The following CCDC91 variants were observed in gnomAD, a reference collection of about 807,000 sequenced individuals.
CCDC91 encodes the protein coiled-coil domain containing 91.
CCDC91 carries 48 observed loss-of-function variants against 63.2 expected under a neutral mutation model. The observed-to-expected ratio is 0.76, with a 90% CI of 0.60 to 0.97. The LOEUF (loss-of-function observed/expected upper bound fraction) is 0.97. Ranked by LOEUF, CCDC91 falls within the 50% of genes least tolerant of loss-of-function variation. The pLI, the probability that CCDC91 is intolerant of heterozygous loss-of-function variation, is 0.00. For missense variants in CCDC91, 500 were observed against 494.6 expected (o/e 1.01, Z -0.10); for synonymous variants, 167 against 165.8 (o/e 1.01, Z -0.06).
intron 12 of CCDC91, among the ~76,000 whole-genome samples, chr12:28,539,888 G>C (rs1347387141): frequency 6.6e-6 from 1 of 152,098 alleles, no homozygotes; most frequent in Non-Finnish European, 1.5e-5. Flanking sequence ...GTAAAATCCT[G>C]AATGATGAGG....
At chr12:28,235,586 C>T (rs1373144206) in intron 1 of CCDC91, among the ~76,000 whole-genome samples, 1 of 72,486 alleles carries the variant, frequency 1.4e-5, no homozygotes, top group African/African-American at 5.3e-5. Flanking sequence ...GTTAATGCCG[C>T]ATAGCATTAA....
chr12:28,345,478 A>G (rs552405791), intron 6 of CCDC91, among the ~76,000 whole-genome samples: 104 of 152,194 alleles, frequency 6.8e-4, no homozygotes, highest in African/African-American at 2.1e-3. Context: ...CTGTTATTAA[A>G]TATGGAAACT....
At chr12:28,237,266 A>ACACACACACACACAT (rs1555163661) in intron 1 of CCDC91, among the ~76,000 whole-genome samples, 2 of 150,808 alleles carry the variant, frequency 1.3e-5, no homozygotes, top group Non-Finnish European at 3.0e-5. Flanking sequence ...ACACACACAC[A>ACACACACACACACAT]TTTTTTAAAA....
At chr12:28,394,166 CT>C (rs1946124417) in intron 8 of CCDC91, among the ~76,000 whole-genome samples, 1 of 152,052 alleles carries the variant, frequency 6.6e-6, no homozygotes, top group Non-Finnish European at 1.5e-5. Context: ...TTTTTAAGTG[CT>C]ACTTAAAAAG....
At chr12:28,387,545 AC>A (rs961115039) in intron 7 of CCDC91, among the ~76,000 whole-genome samples, 3 of 151,328 alleles carry the variant, frequency 2.0e-5, no homozygotes, top group African/African-American at 7.3e-5. Flanking sequence ...CCCCCTTCCT[AC>A]CCTTTCCCCC....
intron 8 of CCDC91, among the ~76,000 whole-genome samples, chr12:28,430,626 G>T (rs1948576620): frequency 6.6e-6 from 1 of 152,082 alleles, no homozygotes; most frequent in Admixed American, 6.6e-5. Context: ...CTTCATTACA[G>T]AATTGATAAT....
chr12:28,292,879 G>T (rs1392230611), intron 3 of CCDC91, among the ~76,000 whole-genome samples: 1 of 152,076 alleles, frequency 6.6e-6, no homozygotes. Flanking sequence ...TTCTGTTTAT[G>T]TACAATAATA....
intron 12 of CCDC91, chr12:28,505,327 T>C (rs1439277057): frequency 6.6e-6 from 1 of 151,850 alleles, no homozygotes; most frequent in Admixed American, 6.6e-5. Flanking sequence ...AGAGGCATAA[T>C]ATTCCATGTC....
At chr12:28,375,796 A>T (rs1246200845) in intron 7 of CCDC91, among the ~76,000 whole-genome samples, 1 of 151,892 alleles carries the variant, frequency 6.6e-6, no homozygotes, top group East Asian at 1.9e-4. Context: ...ATTCTCTAAT[A>T]TATGCACTCG....
intron 11 of CCDC91, among the ~76,000 whole-genome samples, chr12:28,481,447 GT>G (rs1951442288): frequency 6.6e-6 from 1 of 151,946 alleles, no homozygotes; most frequent in Non-Finnish European, 1.5e-5. Flanking sequence ...AGAATTTCCT[GT>G]TTGAATGTAC....
At chr12:28,359,782 C>CTTTCTTTTTTTTTTTTTTTTTTTTTTT (rs1565853546) in intron 6 of CCDC91, among the ~76,000 whole-genome samples, 11 of 151,960 alleles carry the variant, frequency 7.2e-5, no homozygotes, top group African/African-American at 2.7e-4. Context: ...CAGAATATTT[C>CTTTCTTTTTTTTTTTTTTTTTTTTTTT]TATTTACTTT....
At chr12:28,325,246 C>CGGTA (rs1288997200) in intron 6 of CCDC91, among the ~76,000 whole-genome samples, 2 of 151,852 alleles carry the variant, frequency 1.3e-5, no homozygotes, top group Admixed American at 1.3e-4. Flanking sequence ...TTAATAGATA[C>CGGTA]CGTAAGTGAT....
chr12:28,305,503 A>C, intron 3 of CCDC91, 146 bp from the exon 4 acceptor site: 1 of 684,884 alleles, frequency 1.5e-6, no homozygotes, highest in Non-Finnish European at 2.4e-6. Context: ...ATAGTCATAG[A>C]ATCCTGATTT....
At chr12:28,232,792 A>G (rs1301625057) in intron 1 of CCDC91, among the ~76,000 whole-genome samples, 2 of 151,978 alleles carry the variant, frequency 1.3e-5, no homozygotes, top group African/African-American at 2.4e-5. Flanking sequence ...AAACTGCTCT[A>G]TGTGATAATT....
chr12:28,252,184 G>A (rs1946157623), intron 1 of CCDC91, among the ~76,000 whole-genome samples: 1 of 152,078 alleles, frequency 6.6e-6, no homozygotes, highest in African/African-American at 2.4e-5. Flanking sequence ...TTTGAATGAA[G>A]CCTATTTTCT....
At chr12:28,538,713 A>C (rs1241444875) in intron 12 of CCDC91, among the ~76,000 whole-genome samples, 1 of 152,188 alleles carries the variant, frequency 6.6e-6, no homozygotes, top group Non-Finnish European at 1.5e-5. Context: ...ACTAGTTTAC[A>C]GTCCCACCAA....
chr12:28,494,647 G>A (rs1165927718), intron 12 of CCDC91, among the ~76,000 whole-genome samples: 1 of 151,656 alleles, frequency 6.6e-6, no homozygotes, highest in African/African-American at 2.4e-5. Context: ...AATGATCTTT[G>A]TGAAATATAT....
rs778770288 is a variant in CCDC91, at chr12:28,419,417, G to A, written c.762+28006G>A. Among the ~76,000 whole-genome samples, 173 of 151,950 alleles carry A rather than the reference G, an allele frequency of 1.1e-3. 1 individual carries two copies. The highest frequency in any genetic ancestry group is 8.2e-4 in the Non-Finnish European group (56 of 67,984). On this transcript the variant is annotated intron_variant, in intron 8 of 12. Transcript: ENST00000536442. Reference sequence around the variant, plus strand: ...ATTTTATATCAGATTGGATTTAAAAGCAAAATTCAATCATTACTTATAAGA... The same window carrying A: ...ATTTTATATCAGATTGGATTTAAAAACAAAATTCAATCATTACTTATAAGA...
rs1229913557 is a variant in CCDC91, at chr12:28,367,691, C to T, written c.654+5176C>T. Among the ~76,000 whole-genome samples, 3 of 152,078 alleles carry T rather than the reference C, an allele frequency of 2.0e-5. No individual in the cohort carries two copies. The East Asian group carries it at 5.8e-4, about 29-fold the overall frequency. ...AAAACAAACAAAATGCATGTCAGCA[C>T]CCACTATAATGGTTAATTTATGCAT... On this transcript the variant is annotated intron_variant, in intron 7 of 12. Transcript: ENST00000536442.
Sources: allele counts gnomAD v4.1 joint callset (sites outside exome capture counted in the v4.1 genomes callset), GRCh38; gene constraint gnomAD v4.1.1; transcripts MANE v1.5; gene names NCBI Gene and HGNC (gene_info 2026-07-23, HGNC 2026-07-21).